The following FPGS variants were observed in gnomAD, a reference collection of about 807,000 sequenced individuals.
FPGS encodes the protein folylpolyglutamate synthase, also known as folylpolyglutamate synthase, mitochondrial.
A neutral mutation model predicts 66.5 loss-of-function variants in FPGS; 53 were observed. The observed-to-expected ratio is 0.80, with a 90% confidence interval of 0.64 to 1.00. The LOEUF is 1.00. FPGS is among the 50% of genes least tolerant of loss of function. The pLI is 0.00. For missense variants in FPGS, 702 were observed against 807.7 expected (o/e 0.87, Z 1.59); for synonymous variants, 348 against 350.9 (o/e 0.99, Z 0.09).
rs1292666345 is a variant in FPGS, at chr9:127,804,974, C to T, written c.386+274C>T. 4.9e-5 allele frequency: 18 copies of T among 370,442 alleles called. No individual in the cohort carries two copies. In the East Asian group the frequency reaches 6.5e-4, roughly 13 times the overall value. The allele number at this position is 370,442 out of a possible 1,614,324, so 22.9% of individuals were successfully genotyped here. The stretch of plus-strand genomic sequence containing the variant: ...CACGATCTTGGCTCACTGCAACCCC[C>T]GCCTGCCAGGTTCAAGCAATTCTCC... On this transcript the variant is annotated intron_variant, in intron 4 of 14. Transcript: ENST00000373247.
At position 127,808,605 on chromosome 9, in the gene FPGS, G is replaced by A. The variant is rs375100718; in HGVS notation, c.870G>A (p.Gly290=). The A allele has an allele frequency of 1.4e-5, 22 of 1,611,608 alleles. No individual in the cohort carries two copies. The African/African-American group carries it at 2.7e-4, about 20-fold the overall frequency. ...CPMLEALEEG[G]PPLTLGLEGE... is the part of the protein sequence containing the mutation. The stretch of plus-strand genomic sequence containing the variant: ...TGCTGGAGGCCCTCGAGGAAGGGGG[G>A]CCGCCGCTGACCCTGGGCCTGGAGG... The change falls in exon 10 of 15, where the codon GGG becomes GGA. Residue 290 remains glycine (G), a synonymous_variant. Transcript: ENST00000373247.
At position 127,803,021 on chromosome 9, in the gene FPGS, A is replaced by T. The variant is rs1564439277; in HGVS notation, c.97A>T (p.Ser33Cys). Residue 33 changes from serine to cysteine, a missense_variant, in exon 1 of 15, where the codon AGC becomes TGC. Physicochemically the swap from Ser to Cys is moderately radical, Grantham distance 112. Coordinates refer to ENST00000373247, the MANE Select transcript of FPGS (RefSeq NM_004957.6). ...TTQVAARRGL[S>C]AWPVPQEPSM... ...CCAGGTCGCGGCGCGGCGGGGCTTG[A>T]GCGCGTGGCCGGTGCCGCAGGAGCC... The T allele has an allele frequency of 3.4e-6, 5 of 1,462,096 alleles. No individual in the cohort carries two copies. The highest frequency in any genetic ancestry group is 4.5e-6 in the Non-Finnish European group (5 of 1,115,750). The allele number at this position is 1,462,096 out of a possible 1,614,324, so 90.6% of individuals were successfully genotyped here.
rs1829929686 is a variant in FPGS at position 127,808,662 on chromosome 9, C to G, written c.927C>G (p.Ala309=). 6.9e-6 allele frequency: 11 copies of G among 1,603,186 alleles called. No homozygotes were observed. The East Asian group carries it at 2.5e-4, about 36-fold the overall frequency. ...GEHQRSNAAL[A]LQLAHCWLQR... ...ACCAGCGGTCCAACGCCGCCTTGGCCTTGCAGCTGGCCCACTGCTGGCTGC... is the reference window on the plus strand; with the variant it reads ...ACCAGCGGTCCAACGCCGCCTTGGCGTTGCAGCTGGCCCACTGCTGGCTGC... The change falls in exon 10 of 15, where the codon GCC becomes GCG. Residue 309 remains alanine, a synonymous_variant. Coordinates refer to ENST00000373247, the MANE Select transcript of FPGS (RefSeq NM_004957.6).
rs1829887776 is a variant in FPGS at position 127,807,985 on chromosome 9, A to C, written c.745-249A>C. On this transcript the variant is annotated intron_variant, in intron 8 of 14. Coordinates refer to ENST00000373247, the MANE Select transcript of FPGS (RefSeq NM_004957.6). This position sits in a 1 kb window ranked among gnomAD's most constrained non-coding sequence, Gnocchi z 5.8. Reference sequence around the variant, plus strand: ...GCCAGGTGTGGTGGTGTACGCCTGTAGTTCCAGCTACTTGGGAGACTGAGG... The same window carrying C: ...GCCAGGTGTGGTGGTGTACGCCTGTCGTTCCAGCTACTTGGGAGACTGAGG... 1.7e-6 allele frequency: 1 copy of C among 574,890 alleles called. No individual in the cohort carries two copies. The highest frequency in any genetic ancestry group is 3.1e-6 in the Non-Finnish European group (1 of 324,168). The allele number at this position is 574,890 out of a possible 1,614,324, so 35.6% of individuals were successfully genotyped here. A position where few individuals can be genotyped will look rare whatever the true frequency, so the allele number is the denominator to read the frequency against.
Position 127,813,293 on chromosome 9 carries a change from G to A in FPGS, c.1453G>A (p.Asp485Asn). The A allele has an allele frequency of 9.9e-6, 16 of 1,613,114 alleles. No individual in the cohort carries two copies. The highest frequency in any genetic ancestry group is 1.4e-5 in the Non-Finnish European group (16 of 1,179,946). The change falls in exon 15 of 15, where the codon GAC (aspartate) becomes AAC (asparagine). Residue 485 changes from aspartate to asparagine, a missense_variant. Physicochemically the swap from Asp to Asn is conservative, Grantham distance 23. This residue lies in a region of FPGS where 351 missense variants were observed against 363.7 expected (regional missense o/e 0.97). Transcript: ENST00000373247. ...CCTGGACGAAGAGCAGGCCAGCCCG[G>A]ACCTCTGGAGTGCCCCCAGCCCAGA... ...NHLDEEQASP[D>N]LWSAPSPEPG... is the part of the protein sequence containing the mutation.
chr9:127,810,472 C>T (rs1830028472), intron 13 of FPGS, among the ~76,000 whole-genome samples: 1 of 152,120 alleles, frequency 6.6e-6, no homozygotes, highest in South Asian at 2.1e-4. Flanking sequence ...CTGCTAGGGG[C>T]ACCCGCTTCT....
Position 127,804,290 on chromosome 9 carries a change from C to T in FPGS, c.144C>T (p.Ala48=), listed in dbSNP as rs148630886. 219 of 1,613,908 alleles carry T rather than the reference C, an allele frequency of 1.4e-4. No homozygotes were observed. The East Asian group carries it at 2.6e-3, about 19-fold the overall frequency. The change falls in exon 2 of 15, where the codon GCC becomes GCT. Residue 48 remains alanine, a synonymous_variant. Coordinates refer to ENST00000373247, the MANE Select transcript of FPGS (RefSeq NM_004957.6). ...PQEPSMEYQD[A]VRMLNTLQTN... is the part of the protein sequence containing the mutation. The stretch of plus-strand genomic sequence containing the variant: ...CTGGGCACTGTGGTTGCCAGGATGC[C>T]GTGCGCATGCTCAATACCCTGCAGA...
At position 127,809,768 on chromosome 9, in the gene FPGS, C is replaced by G. The variant is rs764173410; in HGVS notation, c.1145C>G (p.Ala382Gly). 6.3e-7 allele frequency: 1 copy of G among 1,575,232 alleles called. No individual in the cohort carries two copies. Among genetic ancestry groups the G allele is most frequent in the African/African-American group, 1.4e-5 (1 of 72,274 alleles). Residue 382 changes from alanine (A) to glycine (G), a missense_variant, in exon 12 of 15, where the codon GCC becomes GGC. By Grantham distance (60) the Ala-to-Gly change is moderately conservative. This residue lies in a region of FPGS where 351 missense variants were observed against 363.7 expected (regional missense o/e 0.97). Transcript: ENST00000373247. ...LTWYLDGAHT[A>G]SSAQACVRWF... ...TGGTACCTGGACGGTGCGCACACCGCCAGCAGCGCGCAGGCCTGCGTGCGC... is the reference window on the plus strand; with the variant it reads ...TGGTACCTGGACGGTGCGCACACCGGCAGCAGCGCGCAGGCCTGCGTGCGC...
intron 4 of FPGS, among the ~76,000 whole-genome samples, chr9:127,806,241 C>T (rs1829801850): frequency 6.6e-6 from 1 of 152,192 alleles, no homozygotes; most frequent in South Asian, 2.1e-4. Context: ...CACGGTGGCT[C>T]ATGCCTGTAA....
chr9:127,803,384 C>A, intron 1 of FPGS: 4 of 1,103,246 alleles, frequency 3.6e-6, no homozygotes, highest in Non-Finnish European at 4.4e-6. Context: ...TCTGAACCGG[C>A]AGTGAGAGTG....
At chr9:127,805,376 C>G (rs1301388609) in intron 4 of FPGS, among the ~76,000 whole-genome samples, 2 of 151,486 alleles carry the variant, frequency 1.3e-5, no homozygotes, top group Non-Finnish European at 2.9e-5. Flanking sequence ...TGCCATTGCA[C>G]ATCAGCCTGG....
intron 9 of FPGS, 68 bp from the exon 10 acceptor site, chr9:127,808,490 G>T: frequency 6.3e-7 from 1 of 1,591,338 alleles, no homozygotes; most frequent in Non-Finnish European, 8.6e-7. Flanking sequence ...CTGGGGGAGG[G>T]GAGAGATGCA....
At chr9:127,803,689 G>A (rs555037370) in intron 1 of FPGS, among the ~76,000 whole-genome samples, 1 of 152,098 alleles carries the variant, frequency 6.6e-6, no homozygotes, top group East Asian at 1.9e-4. Flanking sequence ...AGGGTGGGAG[G>A]CACGGAATAT....
chr9:127,810,990 G>A lies in FPGS; in HGVS notation c.1333G>A (p.Val445Met), dbSNP rs763436314. 1.9e-6 allele frequency: 3 copies of A among 1,592,224 alleles called. No individual in the cohort carries two copies. Among genetic ancestry groups the A allele is most frequent in the African/African-American group, 2.7e-5 (2 of 74,308 alleles). ...YAVFCPNLTE[V>M]SSTGNADQQN... ...CGTCTTCTGCCCTAACCTGACAGAG[G>A]TGTCATCCACAGGCAACGCAGGTGA... Residue 445 changes from valine (V) to methionine (M), a missense_variant, in exon 14 of 15, where the codon GTG becomes ATG. By Grantham distance (21) the Val-to-Met change is conservative (BLOSUM62 1). This residue lies in a region of FPGS where 351 missense variants were observed against 363.7 expected (regional missense o/e 0.97). Coordinates refer to ENST00000373247, the MANE Select transcript of FPGS (RefSeq NM_004957.6).
chr9:127,804,805 G>A, intron 4 of FPGS, 105 bp downstream of exon 4: 1 of 1,019,572 alleles, frequency 9.8e-7, no homozygotes, highest in Non-Finnish European at 1.6e-6. Context: ...GAGGTCAGCT[G>A]CATGTCTCTC....
intron 8 of FPGS, 160 bp from the exon 9 acceptor site, chr9:127,808,074 C>G (rs938171441): frequency 5.1e-5 from 32 of 624,548 alleles, no homozygotes; most frequent in Non-Finnish European, 7.9e-5. Context: ...CCACAGCACT[C>G]CAGCCTGGGT....
intron 1 of FPGS, 23 bp downstream of exon 1, chr9:127,803,085 A>G (rs1829666941): frequency 2.9e-6 from 4 of 1,372,058 alleles, no homozygotes; most frequent in Non-Finnish European, 3.7e-6. Flanking sequence ...CCAGCGGGCC[A>G]GCGGGCCTGG....
At chr9:127,810,249 G>C (rs1830019296) in intron 13 of FPGS, 143 bp downstream of exon 13, 1 of 728,228 alleles carries the variant, frequency 1.4e-6, no homozygotes, top group African/African-American at 1.7e-5. Context: ...GTTCTGCCAG[G>C]TGCTGCAGGG....
At chr9:127,803,847 C>A (rs544258002) in intron 1 of FPGS, among the ~76,000 whole-genome samples, 6 of 152,294 alleles carry the variant, frequency 3.9e-5, no homozygotes, top group African/African-American at 1.4e-4. Context: ...GAATGTGGAA[C>A]CCCAGAGTCA....
Sources: allele counts gnomAD v4.1 joint callset (sites outside exome capture counted in the v4.1 genomes callset), GRCh38; gene constraint gnomAD v4.1.1; regional missense constraint gnomAD v4.1.1; non-coding constraint Gnocchi (gnomAD v3.1); transcripts MANE v1.5; gene names NCBI Gene and HGNC (gene_info 2026-07-23, HGNC 2026-07-21).